PLCG2: variants seen among roughly 807,000 people sequenced by gnomAD.
The protein encoded by PLCG2 is phospholipase C gamma 2.
A neutral mutation model predicts 175.6 loss-of-function variants in PLCG2; 69 were observed. The observed-to-expected ratio is 0.39, with a 90% confidence interval of 0.32 to 0.48. PLCG2 has a LOEUF of 0.48. PLCG2 is among the 20% of genes least tolerant of loss of function. The probability of loss-of-function intolerance (pLI) is 0.91; values close to 1 mark genes in which losing one functional copy is unlikely to be tolerated. For synonymous variants in PLCG2, 827 were observed against 624.0 expected, an observed-to-expected ratio of 1.33 and a Z score of -4.85; for missense variants, 1,798 against 1,650.9, an observed-to-expected ratio of 1.09 and a Z score of -1.54.
chr16:81,944,104 A>G (rs1291593774), intron 30 of PLCG2, among the ~76,000 whole-genome samples: 1 of 152,210 alleles, frequency 6.6e-6, no homozygotes, highest in African/African-American at 2.4e-5. Context: ...ATTGTGTATC[A>G]GAAGAGGAAC....
In PLCG2 at chr16:81,962,606, A is replaced by G. The variant is rs1911817027; in HGVS notation, c.*4608A>G. 9.0e-6 allele frequency: 2 copies of G among 223,434 alleles called. 1 individual carries two copies. Among genetic ancestry groups the G allele is most frequent in the South Asian group, 3.7e-4 (2 of 5,452 alleles). The allele number at this position is 223,434 out of a possible 1,614,324, so 13.8% of individuals were successfully genotyped here. ...ACATAGAGAATTAAGTGAATGAGTC[A>G]CACAGATGTTGGCTGTTGTTAATGT... On this transcript the variant is annotated 3_prime_UTR_variant, in exon 33 of 33. Transcript: ENST00000564138.
chr16:81,844,900 A>G (rs1223990576), intron 2 of PLCG2, among the ~76,000 whole-genome samples: 1 of 152,162 alleles, frequency 6.6e-6, no homozygotes, highest in Non-Finnish European at 1.5e-5. Flanking sequence ...CTGCCTCCTT[A>G]ATGTTCACAG....
chr16:81,944,846 C>T (rs543385486), intron 30 of PLCG2, among the ~76,000 whole-genome samples: 5 of 152,122 alleles, frequency 3.3e-5, no homozygotes, highest in Admixed American at 2.0e-4. Flanking sequence ...CTGAACGAGT[C>T]CCCCATAGAT....
chr16:81,821,198 A>G (rs540208257), intron 2 of PLCG2, among the ~76,000 whole-genome samples: 175 of 152,344 alleles, frequency 1.1e-3, no homozygotes, highest in African/African-American at 4.0e-3. Context: ...GCCTGGCCAC[A>G]TTACCCGCTT....
At position 81,938,784 on chromosome 16, in the gene PLCG2, T is replaced by C. The variant is rs752968141; in HGVS notation, c.3199-17T>C. The stretch of plus-strand genomic sequence containing the variant: ...AGGACCCCAGGGGGGTTCCAATGCT[T>C]CCCTTTGGTGTCCCAGGTTCTCGGT... On this transcript the variant is annotated splice_polypyrimidine_tract_variant and intron_variant, in intron 28 of 32. Coordinates refer to ENST00000564138, the MANE Select transcript of PLCG2 (RefSeq NM_002661.5). 6.5e-6 allele frequency: 10 copies of C among 1,537,006 alleles called. No individual in the cohort carries two copies. Among genetic ancestry groups the C allele is most frequent in the Non-Finnish European group, 9.0e-6 (10 of 1,113,900 alleles).
rs1360516362 is a variant in PLCG2 at position 81,891,665 on chromosome 16, C to T, written c.986+75C>T. 21 of 829,068 alleles carry T rather than the reference C, an allele frequency of 2.5e-5. No individual in the cohort carries two copies. The East Asian group carries it at 3.9e-4, about 15-fold the overall frequency. The allele number at this position is 829,068 out of a possible 1,614,324, so 51.4% of individuals were successfully genotyped here. ...GGGTTGAGGCAGGGGTCCGATACGC[C>T]GCTCCGGTGAGCCCTGTTGTGAAGC... On this transcript the variant is annotated intron_variant, in intron 11 of 32. Coordinates refer to ENST00000564138, the MANE Select transcript of PLCG2 (RefSeq NM_002661.5).
chr16:81,909,086 C>T (rs546842368), intron 17 of PLCG2, among the ~76,000 whole-genome samples: 1 of 152,350 alleles, frequency 6.6e-6, no homozygotes, highest in East Asian at 1.9e-4. Context: ...TGTCTCAGTG[C>T]ATTAAAAGAT....
chr16:81,778,484 A>G (rs1189128027), upstream of PLCG2, among the ~76,000 whole-genome samples: 1 of 152,222 alleles, frequency 6.6e-6, no homozygotes, highest in Non-Finnish European at 1.5e-5. Flanking sequence ...TCCATCAAAG[A>G]GCATAGGAAG....
chr16:81,918,689 G>C (rs4889441), intron 19 of PLCG2, among the ~76,000 whole-genome samples: 92,971 of 152,014 alleles, frequency 0.61, 28,823 homozygotes, highest in East Asian at 0.78. Context: ...TGTGCTATCT[G>C]CAGCTTTGTT....
chr16:81,802,791 G>A (rs1337525702), intron 2 of PLCG2, among the ~76,000 whole-genome samples: 5 of 151,968 alleles, frequency 3.3e-5, no homozygotes, highest in Middle Eastern at 3.2e-3. Context: ...GGCTGGTCTC[G>A]AACTCCTGAC....
At chr16:81,947,110 G>A (rs933105391) in intron 31 of PLCG2, among the ~76,000 whole-genome samples, 2 of 152,184 alleles carry the variant, frequency 1.3e-5, no homozygotes, top group African/African-American at 4.8e-5. Flanking sequence ...GCTCTGCAAG[G>A]CTGTTGTAAA....
rs148111026 is a variant in PLCG2 at position 81,828,038 on chromosome 16, C to T, written c.194-26406C>T. Among the ~76,000 whole-genome samples, 319 of 143,836 alleles carry T rather than the reference C, an allele frequency of 2.2e-3. 1 individual carries two copies. The highest frequency in any genetic ancestry group is 8.0e-3 in the African/African-American group (306 of 38,400). 94.4% of individuals were successfully genotyped at this position (143,836 alleles called of 152,430 possible). A position where few individuals can be genotyped will look rare whatever the true frequency, so the allele number is the denominator to read the frequency against. On this transcript the variant is annotated intron_variant, in intron 2 of 32. Transcript: ENST00000564138. ...CTGGGAGGCGGAGCTTGCACTGAGC[C>T]GAGATCATGCCATTGCACTCCAGCC...
intron 2 of PLCG2, among the ~76,000 whole-genome samples, chr16:81,820,133 T>A (rs1315832906): frequency 6.6e-6 from 1 of 152,246 alleles, no homozygotes; most frequent in African/African-American, 2.4e-5. Context: ...AAGAACTTTT[T>A]AAAATGAACT....
intron 2 of PLCG2, among the ~76,000 whole-genome samples, chr16:81,796,469 C>G (rs1331101025): frequency 6.6e-6 from 1 of 152,202 alleles, no homozygotes; most frequent in Non-Finnish European, 1.5e-5. Context: ...GAGGTGGTCT[C>G]CTGTAAGAGG....
intron 2 of PLCG2, among the ~76,000 whole-genome samples, chr16:81,851,867 G>A (rs931327446): frequency 1.3e-5 from 2 of 152,164 alleles, no homozygotes; most frequent in African/African-American, 4.8e-5. Context: ...CTAGACCCAC[G>A]GTAAGAACTC....
chr16:81,923,925 A>G, intron 22 of PLCG2, among the ~76,000 whole-genome samples: 1 of 152,322 alleles, frequency 6.6e-6, no homozygotes, highest in African/African-American at 2.4e-5. Context: ...ATCTTCAACC[A>G]AATCTTCATT....
intron 24 of PLCG2, among the ~76,000 whole-genome samples, chr16:81,929,553 G>A (rs976437953): frequency 1.3e-5 from 2 of 152,164 alleles, no homozygotes; most frequent in African/African-American, 2.4e-5. Context: ...GGGCCACCGT[G>A]CCTGGCTAAT....
rs935810528 is a variant in PLCG2 at position 81,939,919 on chromosome 16, C to T, written c.3341C>T (p.Ala1114Val). ...VNDNGLSPIW[A>V]PTQEKVTFEI... ...GATAATGGCCTCAGCCCTATCTGGGCTCCAACACAGGAGAAGGTGACATTT... is the reference window on the plus strand; with the variant it reads ...GATAATGGCCTCAGCCCTATCTGGGTTCCAACACAGGAGAAGGTGACATTT... The change falls in exon 30 of 33, where the codon GCT becomes GTT. Residue 1114 changes from alanine to valine, a missense_variant. Physicochemically the swap from Ala to Val is moderately conservative, Grantham distance 64 (BLOSUM62 0). Coordinates refer to ENST00000564138, the MANE Select transcript of PLCG2 (RefSeq NM_002661.5). 11 of 1,613,752 alleles carry T rather than the reference C, an allele frequency of 6.8e-6. No individual in the cohort carries two copies. The highest frequency in any genetic ancestry group is 6.6e-5 in the South Asian group (6 of 91,080).
intron 5 of PLCG2, among the ~76,000 whole-genome samples, chr16:81,864,406 C>T (rs982723117): frequency 6.6e-5 from 10 of 152,344 alleles, no homozygotes; most frequent in East Asian, 3.9e-4. Context: ...TCAGCAGCCC[C>T]GTGTGGCTAG....
Sources: allele counts gnomAD v4.1 joint callset (sites outside exome capture counted in the v4.1 genomes callset), GRCh38; gene constraint gnomAD v4.1.1; transcripts MANE v1.5; gene names NCBI Gene and HGNC (gene_info 2026-07-23, HGNC 2026-07-21).